AUTS2: variants seen among roughly 807,000 people sequenced by gnomAD.
AUTS2 encodes the protein activator of transcription and developmental regulator AUTS2.
AUTS2 carries 17 observed loss-of-function variants against 112.4 expected under a neutral mutation model. The observed-to-expected ratio is 0.15, with a 90% CI of 0.10 to 0.23. The LOEUF (loss-of-function observed/expected upper bound fraction) is 0.23, where lower values mean the gene tolerates loss of function less well. AUTS2 is among the 10% of genes least tolerant of loss of function. The probability of loss-of-function intolerance (pLI) is 1.00; values close to 1 mark genes in which losing one functional copy is unlikely to be tolerated. For synonymous variants in AUTS2, 751 were observed against 702.7 expected (o/e 1.07, Z -1.09); for missense variants, 1,510 against 1,701.6 (o/e 0.89, Z 1.98).
At chr7:70,068,176 TTC>T in intron 2 of AUTS2, among the ~76,000 whole-genome samples, 1 of 151,568 alleles carries the variant, frequency 6.6e-6, no homozygotes, top group African/African-American at 2.4e-5. Flanking sequence ...GATTTTTTTT[TTC>T]TTTTTTTTTT....
At chr7:69,975,282 G>C (rs1267578485) in intron 2 of AUTS2, among the ~76,000 whole-genome samples, 5 of 151,934 alleles carry the variant, frequency 3.3e-5, no homozygotes, top group Non-Finnish European at 7.4e-5. Context: ...GCTGCTTCCA[G>C]ATTTTTTTGC....
intron 1 of AUTS2, among the ~76,000 whole-genome samples, chr7:69,620,540 G>A (rs1257150809): frequency 1.3e-5 from 2 of 152,208 alleles, no homozygotes; most frequent in African/African-American, 4.8e-5. Flanking sequence ...GACGAAAACA[G>A]TGGGTGATAT....
chr7:70,395,951 T>C (rs185426010), intron 4 of AUTS2, among the ~76,000 whole-genome samples: 9 of 152,326 alleles, frequency 5.9e-5, no homozygotes, highest in Admixed American at 5.2e-4. Flanking sequence ...AAAAACACTC[T>C]TAACCCATGA....
At chr7:70,649,746 T>C (rs1306726358) in intron 5 of AUTS2, among the ~76,000 whole-genome samples, 3 of 152,018 alleles carry the variant, frequency 2.0e-5, no homozygotes, top group African/African-American at 7.3e-5. Context: ...GCCAGGCTGG[T>C]CTTGAATTCT....
At chr7:69,867,707 G>A (rs1428069778) in intron 1 of AUTS2, among the ~76,000 whole-genome samples, 1 of 152,026 alleles carries the variant, frequency 6.6e-6, no homozygotes, top group Non-Finnish European at 1.5e-5. Flanking sequence ...AAGAGTGCGT[G>A]GCAAAAATCT....
intron 5 of AUTS2, among the ~76,000 whole-genome samples, chr7:70,653,225 G>A (rs186797966): frequency 6.6e-6 from 1 of 152,224 alleles, no homozygotes; most frequent in East Asian, 1.9e-4. Flanking sequence ...TTGGGCAATA[G>A]AGTGAGACCT....
chr7:69,990,077 T>C (rs1798681936), intron 2 of AUTS2, among the ~76,000 whole-genome samples: 1 of 152,148 alleles, frequency 6.6e-6, no homozygotes, highest in Non-Finnish European at 1.5e-5. Flanking sequence ...AGAAGAGTAA[T>C]TCAAAAAACA....
intron 2 of AUTS2, among the ~76,000 whole-genome samples, chr7:70,058,849 A>G (rs903276320): frequency 6.6e-6 from 1 of 152,152 alleles, no homozygotes; most frequent in Non-Finnish European, 1.5e-5. Flanking sequence ...ACACACACAC[A>G]TACACTTCAT....
chr7:70,340,194 ACC>A (rs1554372671), intron 4 of AUTS2, among the ~76,000 whole-genome samples: 1 of 151,004 alleles, frequency 6.6e-6, no homozygotes, highest in Non-Finnish European at 1.5e-5. Context: ...ACACACACAC[ACC>A]CCGTAATAAG....
chr7:70,721,949 G>A (rs1370273615), intron 6 of AUTS2, among the ~76,000 whole-genome samples: 1 of 152,060 alleles, frequency 6.6e-6, no homozygotes, highest in African/African-American at 2.4e-5. Flanking sequence ...AAAGTTAGCT[G>A]TGATTCTGTA....
chr7:69,658,880 C>A (rs150422463), intron 1 of AUTS2, among the ~76,000 whole-genome samples: 1 of 152,106 alleles, frequency 6.6e-6, no homozygotes. Context: ...AACAATGTGG[C>A]CTTTGAGAAC....
At chr7:69,876,376 A>G (rs1237383604) in intron 1 of AUTS2, among the ~76,000 whole-genome samples, 32 of 114,480 alleles carry the variant, frequency 2.8e-4, no homozygotes, top group African/African-American at 8.3e-4. Flanking sequence ...ATATATATAT[A>G]TATATATGTA....
At chr7:69,992,342 A>T (rs1193262644) in intron 2 of AUTS2, among the ~76,000 whole-genome samples, 1 of 152,232 alleles carries the variant, frequency 6.6e-6, no homozygotes, top group Non-Finnish European at 1.5e-5. Context: ...AGATAAGCAT[A>T]TCCTTCTACT....
intron 1 of AUTS2, among the ~76,000 whole-genome samples, chr7:69,775,511 G>T (rs376312726): frequency 3.3e-5 from 5 of 152,082 alleles, no homozygotes; most frequent in South Asian, 2.1e-4. Context: ...CAGGCCTGGG[G>T]TTGAGTCAGG....
intron 4 of AUTS2, among the ~76,000 whole-genome samples, chr7:70,389,172 A>G (rs1021017720): frequency 3.3e-5 from 5 of 152,120 alleles, no homozygotes; most frequent in African/African-American, 1.2e-4. Context: ...TTAGAACTCA[A>G]CCTTAAGCAA....
intron 1 of AUTS2, among the ~76,000 whole-genome samples, chr7:69,670,328 A>G (rs1316460339): frequency 6.6e-6 from 1 of 152,146 alleles, no homozygotes; most frequent in Non-Finnish European, 1.5e-5. Flanking sequence ...TGAAGATCCT[A>G]ATACCCAATC....
chr7:70,295,222 T>C (rs1788878295), intron 4 of AUTS2, among the ~76,000 whole-genome samples: 4 of 152,222 alleles, frequency 2.6e-5, no homozygotes, highest in Admixed American at 2.6e-4. Context: ...CGTTGTGTGC[T>C]TCCATTCAGC....
At chr7:70,723,350 C>T (rs12698920) in intron 6 of AUTS2, among the ~76,000 whole-genome samples, 5 of 152,004 alleles carry the variant, frequency 3.3e-5, no homozygotes, top group African/African-American at 1.2e-4. Context: ...ACACCACATT[C>T]ACCCTCTCAA....
chr7:70,558,366 C>G (rs1801338042), intron 5 of AUTS2, among the ~76,000 whole-genome samples: 1 of 152,168 alleles, frequency 6.6e-6, no homozygotes, highest in East Asian at 1.9e-4. Context: ...TTCTCTCTCT[C>G]TGTGTACTTC....
Sources: gnomAD v4.1 joint callset for allele counts (sites outside exome capture counted in the v4.1 genomes callset) on GRCh38, gnomAD v4.1.1 for gene constraint, MANE v1.5 for transcripts, NCBI Gene and HGNC (gene_info 2026-07-23, HGNC 2026-07-21) for gene names.